QSOX2: variants seen among roughly 807,000 people sequenced by gnomAD.
QSOX2 encodes sulfhydryl oxidase 2.
A neutral mutation model predicts 61.7 loss-of-function variants in QSOX2; 46 were observed. The ratio of observed to expected loss-of-function variants is 0.75; its 90% CI spans 0.59 to 0.95. The LOEUF is 0.95. QSOX2 is among the 40% of genes least tolerant of loss of function. The pLI is 0.00. For synonymous variants in QSOX2, 383 were observed against 388.4 expected, an observed-to-expected ratio of 0.99 and a Z score of 0.16; for missense variants, 879 against 918.9, an observed-to-expected ratio of 0.96 and a Z score of 0.56.
Position 136,222,002 on chromosome 9 carries a change from C to A in QSOX2, c.676-61G>T. The A allele has an allele frequency of 6.8e-7, 1 of 1,480,558 alleles. No individual in the cohort carries two copies. Among genetic ancestry groups the A allele is most frequent in the Non-Finnish European group, 9.0e-7 (1 of 1,106,478 alleles). 91.7% of individuals were successfully genotyped at this position (1,480,558 alleles called of 1,614,324 possible). A position where few individuals can be genotyped will look rare whatever the true frequency, so the allele number is the denominator to read the frequency against. ...GCTGGCAGTTTCTCAGAAAACACGA[C>A]GTGCAGACACATGGCCTTGCAGGGA... On this transcript the variant is annotated intron_variant, in intron 5 of 11. Transcript: ENST00000358701. This position sits in a 1 kb window ranked among gnomAD's most constrained non-coding sequence, Gnocchi z 6.9.
At chr9:136,220,189 G>A (rs765885618) in intron 6 of QSOX2, among the ~76,000 whole-genome samples, 20 of 152,106 alleles carry the variant, frequency 1.3e-4, no homozygotes, top group South Asian at 2.1e-4. Flanking sequence ...ACTCCACCAC[G>A]CCCGGCTAAT....
In QSOX2 at chr9:136,209,635, G is replaced by C. The variant is rs957298227; in HGVS notation, c.1550-360C>G. On this transcript the variant is annotated intron_variant, in intron 11 of 11. Coordinates refer to ENST00000358701, the MANE Select transcript of QSOX2 (RefSeq NM_181701.4). The surrounding 1 kb of genome is among the most constrained non-coding windows in gnomAD (Gnocchi z 5.6). ...AGCTCTCACCTGGAGGCCTTTCTCC[G>C]CACAGTGCTGCCTGTGTGCCCCTCC... 5.1e-6 allele frequency: 5 copies of C among 984,844 alleles called. No individual in the cohort carries two copies. The highest frequency in any genetic ancestry group is 1.2e-6 in the Non-Finnish European group (1 of 829,628). The allele number at this position is 984,844 out of a possible 1,614,324, so 61.0% of individuals were successfully genotyped here. A position where few individuals can be genotyped will look rare whatever the true frequency, so the allele number is the denominator to read the frequency against.
chr9:136,229,348 G>A (rs925956002), intron 1 of QSOX2, among the ~76,000 whole-genome samples: 1 of 152,214 alleles, frequency 6.6e-6, no homozygotes, highest in African/African-American at 2.4e-5. Context: ...CAGCAGCCCC[G>A]CCGTGGGCAG....
Position 136,208,143 on chromosome 9 carries a change from C to G in QSOX2, c.*585G>C, listed in dbSNP as rs1831792879. The G allele has an allele frequency of 6.6e-6, 1 of 151,256 alleles. No individual in the cohort carries two copies. Among genetic ancestry groups the G allele is most frequent in the African/African-American group, 2.4e-5 (1 of 40,876 alleles). The allele number at this position is 151,256 out of a possible 1,614,324, so 9.4% of individuals were successfully genotyped here. A position where few individuals can be genotyped will look rare whatever the true frequency, so the allele number is the denominator to read the frequency against. On this transcript the variant is annotated 3_prime_UTR_variant, in exon 12 of 12. Transcript: ENST00000358701. ...TGCCCTAGGGAAGCAGCTACAAACA[C>G]AGGATAGTCCCTGGAGCACTTGCTT...
rs1831771441 is a variant in QSOX2 at position 136,206,881 on chromosome 9, GC to G, written c.*1846del. 1 of 152,370 alleles carries G rather than the reference GC, an allele frequency of 6.6e-6. No individual in the cohort carries two copies. The highest frequency in any genetic ancestry group is 1.5e-5 in the Non-Finnish European group (1 of 68,052). 9.4% of individuals were successfully genotyped at this position (152,370 alleles called of 1,614,324 possible). ...AAAGACATTCAACACCAGCCAAAAG[GC>G]TAAAGTTTAGTTTGAAGGGTTCAAA... On this transcript the variant is annotated 3_prime_UTR_variant, in exon 12 of 12. Coordinates refer to ENST00000358701, the MANE Select transcript of QSOX2 (RefSeq NM_181701.4).
chr9:136,214,911 G>T (rs1247637921), intron 10 of QSOX2, among the ~76,000 whole-genome samples: 1 of 152,216 alleles, frequency 6.6e-6, no homozygotes, highest in Non-Finnish European at 1.5e-5. Context: ...CTTCTTTATG[G>T]TTTATTTCCT....
intron 1 of QSOX2, among the ~76,000 whole-genome samples, chr9:136,232,796 C>T (rs905661989): frequency 5.3e-5 from 8 of 151,348 alleles, no homozygotes; most frequent in South Asian, 2.1e-4. Context: ...TAGCCAGGCA[C>T]GGTGGTCCCA....
At chr9:136,232,477 A>G (rs1224426130) in intron 1 of QSOX2, among the ~76,000 whole-genome samples, 10 of 152,264 alleles carry the variant, frequency 6.6e-5, no homozygotes, top group Non-Finnish European at 2.9e-5. Context: ...AAGGCATGTC[A>G]TGAATGCAGA....
chr9:136,245,344 G>C, intron 1 of QSOX2, 132 bp downstream of exon 1: 1 of 758,052 alleles, frequency 1.3e-6, no homozygotes, highest in Admixed American at 2.9e-5. Context: ...TGTGGGGCAG[G>C]GACTGGCTCT....
intron 1 of QSOX2, among the ~76,000 whole-genome samples, chr9:136,229,230 C>A (rs992693589): frequency 1.3e-5 from 2 of 152,236 alleles, no homozygotes; most frequent in Non-Finnish European, 2.9e-5. Flanking sequence ...GCATCCCCGG[C>A]CACTCCTTGC....
In QSOX2 at chr9:136,219,038, T is replaced by C; in HGVS notation, c.948A>G (p.Glu316=). 1 of 1,614,054 alleles carries C rather than the reference T, an allele frequency of 6.2e-7. No individual in the cohort carries two copies. ...EENSEIVVWR[E]FDKSKLYTVD... ...TCAAGAGGAACACTTGCTTGTCAAATTCTCTCCAAACCACGATTTCTGAAT... is the reference window on the plus strand; with the variant it reads ...TCAAGAGGAACACTTGCTTGTCAAACTCTCTCCAAACCACGATTTCTGAAT... The change falls in exon 7 of 12, where the codon GAA becomes GAG. Residue 316 remains glutamate, a synonymous_variant. Transcript: ENST00000358701.
chr9:136,229,898 C>T (rs1026575047), intron 1 of QSOX2, among the ~76,000 whole-genome samples: 2 of 152,236 alleles, frequency 1.3e-5, no homozygotes, highest in African/African-American at 4.8e-5. Context: ...ACACAGAGCC[C>T]TGCACAGCGA....
chr9:136,226,905 G>A (rs1462601273), intron 1 of QSOX2, 31 bp from the exon 2 acceptor site: 1 of 1,587,758 alleles, frequency 6.3e-7, no homozygotes, highest in Non-Finnish European at 8.6e-7. Flanking sequence ...CTTCAGTGTG[G>A]TGAGCACTGG....
At chr9:136,241,697 G>A (rs967697821) in intron 1 of QSOX2, among the ~76,000 whole-genome samples, 2 of 152,210 alleles carry the variant, frequency 1.3e-5, no homozygotes, top group Non-Finnish European at 2.9e-5. Context: ...GAGCGCCCCC[G>A]CACTCCTGAG....
rs1294787434 is a variant in QSOX2, at chr9:136,218,790, C to T, written c.975G>A (p.Val325=). The T allele has an allele frequency of 1.2e-6, 2 of 1,613,536 alleles. No individual in the cohort carries two copies. Among genetic ancestry groups the T allele is most frequent in the Non-Finnish European group, 1.7e-6 (2 of 1,179,996 alleles). Residue 325 remains valine (V), a synonymous_variant, in exon 8 of 12, where the codon GTG becomes GTA. Coordinates refer to ENST00000358701, the MANE Select transcript of QSOX2 (RefSeq NM_181701.4). ...REFDKSKLYT[V]DLESGLHYLL... is the part of the protein sequence containing the mutation. ...GGTAGTGTAGCCCTGACTCCAGGTC[C>T]ACCGTGTACAGCTTCGACCTAGGAC...
rs145558285 is a variant in QSOX2 at position 136,224,712 on chromosome 9, C to T, written c.478+149G>A. On this transcript the variant is annotated intron_variant, in intron 3 of 11. Coordinates refer to ENST00000358701, the MANE Select transcript of QSOX2 (RefSeq NM_181701.4). ...AATTTCTCTTTGAAACTATTAATAT[C>T]TGAACTCTTAAGGGAAAGCAGGCAG... The T allele has an allele frequency of 1.4e-3, 687 of 503,458 alleles. 4 individuals are homozygous for T. The highest frequency in any genetic ancestry group is 6.2e-3 in the Middle Eastern group (20 of 3,230). 31.2% of individuals were successfully genotyped at this position (503,458 alleles called of 1,614,324 possible). A position where few individuals can be genotyped will look rare whatever the true frequency, so the allele number is the denominator to read the frequency against.
Position 136,218,135 on chromosome 9 carries a change from G to A in QSOX2, c.1086+544C>T, listed in dbSNP as rs183758551. On this transcript the variant is annotated intron_variant, in intron 8 of 11. Coordinates refer to ENST00000358701, the MANE Select transcript of QSOX2 (RefSeq NM_181701.4). ...TCAGCCTGACCCTGGGCACGGCCAG[G>A]CCTGAGCTCTGTTGGGTGGCATCTC... Among the ~76,000 whole-genome samples the A allele has an allele frequency of 1.1e-4, 17 of 152,336 alleles. No individual in the cohort carries two copies. The East Asian group carries it at 3.1e-3, about 28-fold the overall frequency.
chr9:136,208,895 C>G lies in QSOX2; in HGVS notation c.1930G>C (p.Glu644Gln). ...QSLDGPGAHK[E>Q]VGGAAPFLGV... ...AGGAAGGGTGCGGCCCCGCCCACCT[C>G]CTTGTGGGCCCCGGGCCCATCCAGA... The change falls in exon 12 of 12, where the codon GAG becomes CAG. Residue 644 changes from glutamate to glutamine, a missense_variant. By Grantham distance (29) the Glu-to-Gln change is conservative. Coordinates refer to ENST00000358701, the MANE Select transcript of QSOX2 (RefSeq NM_181701.4). The G allele has an allele frequency of 6.2e-7, 1 of 1,613,998 alleles. No individual in the cohort carries two copies.
rs1261552420 is a variant in QSOX2 at position 136,223,574 on chromosome 9, G to C, written c.675+189C>G. Among the ~76,000 whole-genome samples the C allele has an allele frequency of 6.6e-6, 1 of 152,120 alleles. No homozygotes were observed. Among genetic ancestry groups the C allele is most frequent in the Non-Finnish European group, 1.5e-5 (1 of 68,024 alleles). On this transcript the variant is annotated intron_variant, in intron 5 of 11. Coordinates refer to ENST00000358701, the MANE Select transcript of QSOX2 (RefSeq NM_181701.4). The surrounding 1 kb of genome is among the most constrained non-coding windows in gnomAD (Gnocchi z 4.4). ...ACCGCCAAGCTCATTCATCCTAACA[G>C]TCTTCTCCAGACACCAGTGACTTTG...
Sources: gnomAD v4.1 joint callset for allele counts (sites outside exome capture counted in the v4.1 genomes callset) on GRCh38, gnomAD v4.1.1 for gene constraint, Gnocchi (gnomAD v3.1) non-coding constraint, MANE v1.5 for transcripts, NCBI Gene and HGNC (gene_info 2026-07-23, HGNC 2026-07-21) for gene names.